Variants in ZNF652 observed in about 807,000 individuals in gnomAD.
ZNF652 encodes the protein zinc finger protein 652.
ZNF652 carries 16 observed loss-of-function variants against 45.2 expected under a neutral mutation model. The observed-to-expected ratio is 0.35, with a 90% CI of 0.24 to 0.54. The LOEUF (loss-of-function observed/expected upper bound fraction) is 0.54. Ranked by LOEUF, ZNF652 falls within the 20% of genes least tolerant of loss-of-function variation. ZNF652 has a pLI of 0.91. For missense variants in ZNF652, 614 were observed against 765.6 expected, an observed-to-expected ratio of 0.80 and a Z score of 2.34; for synonymous variants, 250 against 260.6, an observed-to-expected ratio of 0.96 and a Z score of 0.39.
rs921856065 is a variant in ZNF652, at chr17:49,293,000, C to T, written c.*5413G>A. ...CCAGGATGCTGGCATTTTGAAGGCA[C>T]TCAAAAACAGAGTGAGAGAGACTGA... On this transcript the variant is annotated 3_prime_UTR_variant, in exon 6 of 6. Transcript: ENST00000430262. Among the ~76,000 whole-genome samples the T allele has an allele frequency of 2.6e-4, 40 of 152,024 alleles. No individual in the cohort carries two copies.
intron 5 of ZNF652, among the ~76,000 whole-genome samples, chr17:49,300,497 T>C (rs1235227684): frequency 6.6e-6 from 1 of 152,206 alleles, no homozygotes; most frequent in East Asian, 1.9e-4. Flanking sequence ...TTCCATGCTG[T>C]GTCTGCCTGC....
intron 1 of ZNF652, among the ~76,000 whole-genome samples, chr17:49,356,781 A>G (rs1197082396): frequency 6.6e-6 from 1 of 152,104 alleles, no homozygotes; most frequent in African/African-American, 2.4e-5. Context: ...ATCCTACTGT[A>G]TTACTGATGT....
In ZNF652 at chr17:49,291,980, T is replaced by A. The variant is rs954344738; in HGVS notation, c.*6433A>T. 6.6e-6 allele frequency among the ~76,000 whole-genome samples: 1 copy of A among 152,156 alleles called. No individual in the cohort carries two copies. Among genetic ancestry groups the A allele is most frequent in the Non-Finnish European group, 1.5e-5 (1 of 68,018 alleles). Reference sequence around the variant, plus strand: ...TCACAATTTTGCACTATCTCACCAATAATATCTTTCCTGTTGCCAGACAGG... The same window carrying A: ...TCACAATTTTGCACTATCTCACCAAAAATATCTTTCCTGTTGCCAGACAGG... On this transcript the variant is annotated 3_prime_UTR_variant, in exon 6 of 6. Transcript: ENST00000430262.
intron 5 of ZNF652, among the ~76,000 whole-genome samples, chr17:49,303,245 A>ATTTTTTTTTTT (rs1567914289): frequency 1.5e-5 from 1 of 65,900 alleles, no homozygotes. Context: ...CTTTACGCTT[A>ATTTTTTTTTTT]TCTTTTTTTT....
chr17:49,322,091 T>C (rs1284772217), intron 1 of ZNF652, among the ~76,000 whole-genome samples: 4 of 152,210 alleles, frequency 2.6e-5, no homozygotes, highest in African/African-American at 7.2e-5. Flanking sequence ...AAATCAAATA[T>C]TTGGCTTTCA....
chr17:49,342,395 A>G (rs375761123), intron 1 of ZNF652, among the ~76,000 whole-genome samples: 54 of 152,238 alleles, frequency 3.5e-4, no homozygotes, highest in African/African-American at 1.0e-3. Context: ...AGAAAAGGGG[A>G]TAATTTCAAA....
At chr17:49,311,801 C>T (rs2069715955) in intron 4 of ZNF652, 126 bp downstream of exon 4, 4 of 744,814 alleles carry the variant, frequency 5.4e-6, no homozygotes, top group Non-Finnish European at 8.9e-6. Context: ...GCTCAGAACA[C>T]ATGTCTGAAA....
Position 49,316,900 on chromosome 17 carries a change from T to G in ZNF652, c.826A>C (p.Lys276Gln). The G allele has an allele frequency of 6.2e-7, 1 of 1,614,138 alleles. No homozygotes were observed. The change falls in exon 2 of 6, where the codon AAA becomes CAA. Residue 276 changes from lysine (K) to glutamine (Q), a missense_variant. By Grantham distance (53) the Lys-to-Gln change is moderately conservative. Around this residue, in one of 5 missense-constraint regions of ZNF652, gnomAD observed 262 missense variants for 306.3 expected, o/e 0.86. Transcript: ENST00000430262. ...VTHRRMQICD[K>Q]CGKKFVLESE... ...TCCAGGACAAACTTCTTGCCACATTTATCACAAATCTGCATGCGCCTATGA... is the reference window on the plus strand; with the variant it reads ...TCCAGGACAAACTTCTTGCCACATTGATCACAAATCTGCATGCGCCTATGA...
intron 2 of ZNF652, among the ~76,000 whole-genome samples, chr17:49,314,974 A>G (rs2069778125): frequency 6.6e-6 from 1 of 150,900 alleles, no homozygotes. Context: ...GGCTCAGGCA[A>G]CCCTCCCAAA....
At chr17:49,342,476 GTA>G (rs999824360) in intron 1 of ZNF652, among the ~76,000 whole-genome samples, 2 of 142,528 alleles carry the variant, frequency 1.4e-5, no homozygotes, top group African/African-American at 5.2e-5. Flanking sequence ...TTCATTTTGA[GTA>G]TAGTGTTTGT....
chr17:49,322,571 A>G (rs542332668), intron 1 of ZNF652: 1 of 152,264 alleles, frequency 6.6e-6, no homozygotes, highest in Non-Finnish European at 1.5e-5. Flanking sequence ...CATTGTGCAT[A>G]TAAGTTATGT....
intron 1 of ZNF652, among the ~76,000 whole-genome samples, chr17:49,348,519 GAAAAGA>G (rs1182684217): frequency 3.7e-4 from 55 of 148,412 alleles, no homozygotes; most frequent in Middle Eastern, 3.5e-3. Flanking sequence ...GAAAAGAAAA[GAAAAGA>G]AAAGAAAAGA....
intron 5 of ZNF652, among the ~76,000 whole-genome samples, chr17:49,306,825 T>G (rs2069635877): frequency 6.6e-6 from 1 of 152,176 alleles, no homozygotes. Context: ...CGATCTCAGC[T>G]CACTGCAACC....
chr17:49,324,262 G>C (rs1483571923), intron 1 of ZNF652, among the ~76,000 whole-genome samples: 1 of 152,160 alleles, frequency 6.6e-6, no homozygotes, highest in Non-Finnish European at 1.5e-5. Context: ...TCACTTCTCG[G>C]CCTTCAAAGA....
At position 49,325,035 on chromosome 17, in the gene ZNF652, C is replaced by A. The variant is rs565208820; in HGVS notation, c.-258-7052G>T. Among the ~76,000 whole-genome samples the A allele has an allele frequency of 4.6e-5, 7 of 151,110 alleles. No individual in the cohort carries two copies. The South Asian group carries it at 1.5e-3, about 32-fold the overall frequency. Reference sequence around the variant, plus strand: ...GGATTACAGGTGTGAGCCACTGCACCCGGCCCACTGGGGTAGCACTTTTAA... The same window carrying A: ...GGATTACAGGTGTGAGCCACTGCACACGGCCCACTGGGGTAGCACTTTTAA... On this transcript the variant is annotated intron_variant, in intron 1 of 5. Transcript: ENST00000430262.
At chr17:49,325,682 G>A (rs1156327843) in intron 1 of ZNF652, among the ~76,000 whole-genome samples, 3 of 151,978 alleles carry the variant, frequency 2.0e-5, no homozygotes, top group African/African-American at 7.3e-5. Flanking sequence ...AATTACCCAG[G>A]CATGGTGCTG....
chr17:49,310,454 C>G (rs2069693866), intron 5 of ZNF652, among the ~76,000 whole-genome samples: 1 of 152,198 alleles, frequency 6.6e-6, no homozygotes, highest in African/African-American at 2.4e-5. Context: ...TCCCTGGAAG[C>G]AGGATAATCA....
rs756282081 is a variant in ZNF652, at chr17:49,312,034, T to G, written c.1057A>C (p.Lys353Gln). 5.6e-6 allele frequency: 9 copies of G among 1,612,912 alleles called. No homozygotes were observed. Among genetic ancestry groups the G allele is most frequent in the Admixed American group, 1.7e-5 (1 of 59,958 alleles). The change falls in exon 4 of 6, where the codon AAA becomes CAA. Residue 353 changes from lysine (K) to glutamine (Q), a missense_variant. By Grantham distance (53) the Lys-to-Gln change is moderately conservative (BLOSUM62 1). Around this residue, in one of 5 missense-constraint regions of ZNF652, gnomAD observed 262 missense variants for 306.3 expected, o/e 0.86. Coordinates refer to ENST00000430262, the MANE Select transcript of ZNF652 (RefSeq NM_001145365.3). ...GTTTCGCATGTAAATGGCATGTCTT[T>G]TGTGTGTGCTGCAACACAGAATGTA... is the stretch of plus-strand genomic sequence containing the variant. Reference protein sequence around the residue: ...HVRKHMVAHTKDMPFTCETCG... With the variant: ...HVRKHMVAHTQDMPFTCETCG...
chr17:49,317,050 C>A lies in ZNF652; in HGVS notation c.676G>T (p.Ala226Ser), dbSNP rs375363894. 1.2e-6 allele frequency: 2 copies of A among 1,613,930 alleles called. No individual in the cohort carries two copies. Among genetic ancestry groups the A allele is most frequent in the Admixed American group, 1.7e-5 (1 of 59,986 alleles). The change falls in exon 2 of 6, where the codon GCC (alanine) becomes TCC (serine). Residue 226 changes from alanine (A) to serine (S), a missense_variant. Physicochemically the swap from Ala to Ser is moderately conservative, Grantham distance 99. Coordinates refer to ENST00000430262, the MANE Select transcript of ZNF652 (RefSeq NM_001145365.3). ...SVEPPKRKKR[A>S]TKEPKAPVQK... is the part of the protein sequence containing the mutation. ...ACTGGTGCTTTGGGCTCCTTTGTGG[C>A]CCGCTTCTTACGCTTAGGTGGCTCT...
Sources: allele counts gnomAD v4.1 joint callset (sites outside exome capture counted in the v4.1 genomes callset), GRCh38; gene constraint gnomAD v4.1.1; regional missense constraint gnomAD v4.1.1; transcripts MANE v1.5; gene names NCBI Gene and HGNC (gene_info 2026-07-23, HGNC 2026-07-21).